Variants in DENR observed in about 807,000 individuals in gnomAD.
The protein encoded by DENR is density-regulated protein.
DENR carries 6 observed loss-of-function variants against 30.6 expected under a neutral mutation model. The observed-to-expected ratio is 0.20, with a 90% CI of 0.11 to 0.39. The LOEUF is 0.39. Among genes scored for constraint, DENR ranks in the 10% least tolerant of loss-of-function variants. The pLI, the probability that DENR is intolerant of heterozygous loss-of-function variation, is 1.00. For missense variants in DENR, 141 were observed against 230.9 expected, an observed-to-expected ratio of 0.61 and a Z score of 2.52; for synonymous variants, 78 against 72.1, an observed-to-expected ratio of 1.08 and a Z score of -0.41.
At position 122,756,358 on chromosome 12, in the gene DENR, A is replaced by G. The variant is rs1019240330; in HGVS notation, c.106+2551A>G. On this transcript the variant is annotated intron_variant, in intron 2 of 7. Transcript: ENST00000280557. ...CAGCTACTCGGGAGGCTGAGGCAGG[A>G]GAATCGCTTAAACCTGGGAGGCGGA... Among the ~76,000 whole-genome samples, 6 of 152,216 alleles carry G rather than the reference A, an allele frequency of 3.9e-5. No homozygotes were observed. The East Asian group carries it at 1.2e-3, about 29-fold the overall frequency.
rs1034623576 is a variant in DENR at position 122,769,165 on chromosome 12, T to TAC, written c.*91_*92dup. On this transcript the variant is annotated 3_prime_UTR_variant, in exon 8 of 8. Transcript: ENST00000280557. ...AGGCCTTTTAAAATATATATATATA[T>TAC]ACACATATATATGTATATATACACA... 7 of 1,166,334 alleles carry TAC rather than the reference T, an allele frequency of 6.0e-6. No individual in the cohort carries two copies. Among genetic ancestry groups the TAC allele is most frequent in the Middle Eastern group, 3.2e-4 (1 of 3,082 alleles). The allele number at this position is 1,166,334 out of a possible 1,614,324, so 72.2% of individuals were successfully genotyped here. A position where few individuals can be genotyped will look rare whatever the true frequency, so the allele number is the denominator to read the frequency against.
intron 2 of DENR, among the ~76,000 whole-genome samples, chr12:122,760,967 C>G (rs80140873): frequency 0.13 from 19,969 of 152,072 alleles, 2,235 homozygotes; most frequent in African/African-American, 0.29. Context: ...AAAAAACTTA[C>G]CTGTACATAG....
At position 122,758,864 on chromosome 12, in the gene DENR, T is replaced by G. The variant is rs200043107; in HGVS notation, c.107-3323T>G. On this transcript the variant is annotated intron_variant, in intron 2 of 7. Transcript: ENST00000280557. ...ATTTTTTATTTATTTATTTTTTTTT[T>G]GAGTTGGAGTCTTGCCCTGTTGCCC... 8.0e-3 allele frequency among the ~76,000 whole-genome samples: 1,192 copies of G among 149,020 alleles called. 23 individuals are homozygous for G. Among genetic ancestry groups the G allele is most frequent in the African/African-American group, 0.027 (1,077 of 39,840 alleles).
chr12:122,762,449 A>G (rs1878726687), intron 3 of DENR, among the ~76,000 whole-genome samples: 1 of 152,186 alleles, frequency 6.6e-6, no homozygotes, highest in African/African-American at 2.4e-5. Flanking sequence ...TTTGCATGGG[A>G]CTTATGAATA....
intron 2 of DENR, among the ~76,000 whole-genome samples, chr12:122,755,199 G>A (rs1448623112): frequency 6.6e-6 from 1 of 152,212 alleles, no homozygotes; most frequent in Non-Finnish European, 1.5e-5. Flanking sequence ...TCACCACATA[G>A]AGAATTGCTT....
chr12:122,765,494 A>G lies in DENR; in HGVS notation c.295+107A>G, dbSNP rs1347993543. 3 of 964,788 alleles carry G rather than the reference A, an allele frequency of 3.1e-6. No homozygotes were observed. The African/African-American group carries it at 5.0e-5, about 16-fold the overall frequency. The allele number at this position is 964,788 out of a possible 1,614,324, so 59.8% of individuals were successfully genotyped here. On this transcript the variant is annotated intron_variant, in intron 5 of 7. Transcript: ENST00000280557. ...AAGCTAGGCACAATGGTGGGCGCCT[A>G]TAGTCACAGCTTCTTAGGGGGCTGA...
chr12:122,754,342 A>G (rs1295084434), intron 2 of DENR: 1 of 158,532 alleles, frequency 6.3e-6, no homozygotes, highest in Middle Eastern at 3.3e-3. Flanking sequence ...GGTTTGAATC[A>G]TGATATATGT....
intron 2 of DENR, among the ~76,000 whole-genome samples, chr12:122,761,928 A>G (rs1274694737): frequency 6.6e-6 from 1 of 152,230 alleles, no homozygotes; most frequent in African/African-American, 2.4e-5. Flanking sequence ...CATTATATAC[A>G]AAATAGCATA....
At chr12:122,757,746 G>C (rs1268717112) in intron 2 of DENR, among the ~76,000 whole-genome samples, 1 of 152,218 alleles carries the variant, frequency 6.6e-6, no homozygotes, top group Non-Finnish European at 1.5e-5. Context: ...AGTACGATAA[G>C]ATGTTTGAAA....
intron 1 of DENR, among the ~76,000 whole-genome samples, 159 bp downstream of exon 1, chr12:122,753,109 A>G (rs1331037616): frequency 6.6e-6 from 1 of 152,114 alleles, no homozygotes; most frequent in African/African-American, 2.4e-5. Flanking sequence ...TTCGCCTCAG[A>G]CCTGGTCGCC....
In DENR at chr12:122,770,535, C is replaced by A; in HGVS notation, c.*1457C>A. The A allele has an allele frequency of 2.5e-6, 1 of 398,006 alleles. No individual in the cohort carries two copies. The highest frequency in any genetic ancestry group is 4.4e-6 in the Non-Finnish European group (1 of 225,860). The allele number at this position is 398,006 out of a possible 1,614,324, so 24.7% of individuals were successfully genotyped here. A position where few individuals can be genotyped will look rare whatever the true frequency, so the allele number is the denominator to read the frequency against. On this transcript the variant is annotated 3_prime_UTR_variant, in exon 8 of 8. Transcript: ENST00000280557. ...CAGTTAAAAGTACTGTACACCCATG[C>A]TCAATATATAGTCCTGGAAATAGCA... is the stretch of plus-strand genomic sequence containing the variant.
rs748690315 is a variant in DENR, at chr12:122,769,010, GAT to G, written c.553-20_553-19del. 7.5e-6 allele frequency: 12 copies of G among 1,609,096 alleles called. No individual in the cohort carries two copies. The Admixed American group carries it at 2.0e-4, about 27-fold the overall frequency. ...TCTTAATTGCAACCACAACTCATGAGATATAATTATTTGTGTTTTATAGGTAG... is the reference window on the plus strand; with the variant it reads ...TCTTAATTGCAACCACAACTCATGAGATAATTATTTGTGTTTTATAGGTAG... On this transcript the variant is annotated intron_variant, in intron 7 of 7. Coordinates refer to ENST00000280557, the MANE Select transcript of DENR (RefSeq NM_003677.5).
chr12:122,759,712 C>A (rs557340709), intron 2 of DENR, among the ~76,000 whole-genome samples: 28 of 151,112 alleles, frequency 1.9e-4, no homozygotes, highest in Non-Finnish European at 2.7e-4. Flanking sequence ...CAGAGCAAAA[C>A]CCCAATTTTT....
Position 122,770,685 on chromosome 12 carries a change from C to T in DENR, c.*1607C>T. 2 of 398,470 alleles carry T rather than the reference C, an allele frequency of 5.0e-6. No homozygotes were observed. The highest frequency in any genetic ancestry group is 8.8e-5 in the Admixed American group (2 of 22,720). The allele number at this position is 398,470 out of a possible 1,614,324, so 24.7% of individuals were successfully genotyped here. The stretch of plus-strand genomic sequence containing the variant: ...GTGGTGTTTTAAGTTGCTGTGGACA[C>T]TTTTAAGAAACTTAGAACCCATGGA... On this transcript the variant is annotated 3_prime_UTR_variant, in exon 8 of 8. Transcript: ENST00000280557.
intron 2 of DENR, 169 bp downstream of exon 2, chr12:122,753,976 C>A: frequency 1.6e-6 from 1 of 639,256 alleles, no homozygotes; most frequent in East Asian, 2.8e-5. Context: ...AGTTTCCCCA[C>A]CTGGGTGATT....
intron 2 of DENR, among the ~76,000 whole-genome samples, chr12:122,761,272 C>T (rs1219970524): frequency 1.3e-5 from 2 of 151,592 alleles, no homozygotes; most frequent in East Asian, 1.9e-4. Context: ...ATTAGCCGGG[C>T]GTGGTGGCAC....
At chr12:122,765,667 C>T (rs1463942355) in intron 5 of DENR, among the ~76,000 whole-genome samples, 2 of 152,078 alleles carry the variant, frequency 1.3e-5, no homozygotes, top group Non-Finnish European at 2.9e-5. Context: ...ATACCATGTA[C>T]CTGTTATTGT....
rs1161480697 is a variant in DENR, at chr12:122,769,362, CTTGGCAT to C, written c.*287_*293del. ...AGTAAAACTGTAGACTGTCCTCGTC[CTTGGCAT>C]TTTCACTGTTCTGTACAAGGCTGCT... On this transcript the variant is annotated 3_prime_UTR_variant, in exon 8 of 8. Transcript: ENST00000280557. 4 of 989,312 alleles carry C rather than the reference CTTGGCAT, an allele frequency of 4.0e-6. No individual in the cohort carries two copies. The highest frequency in any genetic ancestry group is 4.8e-6 in the Non-Finnish European group (4 of 834,556). The allele number at this position is 989,312 out of a possible 1,614,324, so 61.3% of individuals were successfully genotyped here. A position where few individuals can be genotyped will look rare whatever the true frequency, so the allele number is the denominator to read the frequency against.
intron 2 of DENR, among the ~76,000 whole-genome samples, chr12:122,756,645 G>A (rs1878557845): frequency 6.6e-6 from 1 of 152,202 alleles, no homozygotes; most frequent in Admixed American, 6.5e-5. Context: ...AGGAGTGGAG[G>A]TAGGAAAGTA....
Sources: gnomAD v4.1 joint callset for allele counts (sites outside exome capture counted in the v4.1 genomes callset) on GRCh38, gnomAD v4.1.1 for gene constraint, MANE v1.5 for transcripts, NCBI Gene and HGNC (gene_info 2026-07-23, HGNC 2026-07-21) for gene names.